EDNRA: variants seen among roughly 807,000 people sequenced by gnomAD.
The protein encoded by EDNRA is endothelin receptor type A.
Under a neutral mutation model 41.4 loss-of-function variants are expected in EDNRA, and 11 were observed. The observed-to-expected ratio is 0.27, with a 90% CI of 0.17 to 0.44. The LOEUF is 0.44. EDNRA is among the 20% of genes least tolerant of loss of function. The pLI is 1.00. For synonymous variants in EDNRA, 172 were observed against 183.0 expected (o/e 0.94, Z 0.49); for missense variants, 294 against 531.0 (o/e 0.55, Z 4.39).
At chr4:147,539,975 A>T (rs1731043132) in intron 6 of EDNRA, 25 bp downstream of exon 6, 1 of 1,559,012 alleles carries the variant, frequency 6.4e-7, no homozygotes, top group Non-Finnish European at 8.6e-7. Flanking sequence ...ACTCGCTAGA[A>T]AATTGGAGTT....
intron 2 of EDNRA, chr4:147,506,205 G>C: frequency 1.9e-6 from 1 of 523,334 alleles, no homozygotes; most frequent in Admixed American, 2.0e-5. Flanking sequence ...TTTGAATGAA[G>C]ATCTTGCAAA....
chr4:147,524,562 A>G (rs1730466062), intron 3 of EDNRA, among the ~76,000 whole-genome samples: 2 of 152,232 alleles, frequency 1.3e-5, no homozygotes. Flanking sequence ...AGAAAAAATG[A>G]TGCCAAGAAT....
chr4:147,514,865 G>A (rs1730057788), intron 2 of EDNRA, among the ~76,000 whole-genome samples: 1 of 152,148 alleles, frequency 6.6e-6, no homozygotes, highest in African/African-American at 2.4e-5. Flanking sequence ...GCTGACCATG[G>A]CACCTCTAGA....
At chr4:147,523,947 G>C (rs1026114046) in intron 3 of EDNRA, among the ~76,000 whole-genome samples, 3 of 152,076 alleles carry the variant, frequency 2.0e-5, no homozygotes, top group Non-Finnish European at 4.4e-5. Flanking sequence ...TGGCCAAGAG[G>C]AGGAGTCCAT....
At chr4:147,500,444 G>A (rs966732824) in intron 2 of EDNRA, among the ~76,000 whole-genome samples, 4 of 152,182 alleles carry the variant, frequency 2.6e-5, no homozygotes, top group Admixed American at 2.0e-4. Flanking sequence ...GCAGTCAGGT[G>A]CGGTGATTCA....
At chr4:147,497,426 T>C (rs1479143191) in intron 2 of EDNRA, among the ~76,000 whole-genome samples, 1 of 152,154 alleles carries the variant, frequency 6.6e-6, no homozygotes, top group East Asian at 1.9e-4. Context: ...CCAGATCAAC[T>C]CACACATTGA....
intron 2 of EDNRA, among the ~76,000 whole-genome samples, chr4:147,498,536 T>G (rs1271829956): frequency 6.9e-6 from 1 of 145,752 alleles, no homozygotes; most frequent in African/African-American, 2.7e-5. Context: ...CCATACCTAT[T>G]GCTTACGTAT....
intron 2 of EDNRA, among the ~76,000 whole-genome samples, chr4:147,505,366 T>C (rs1729669150): frequency 8.1e-6 from 1 of 123,910 alleles, no homozygotes; most frequent in Admixed American, 9.5e-5. Context: ...GGAGGTGGAG[T>C]TGCGCTCTTG....
At position 147,532,649 on chromosome 4, in the gene EDNRA, A is replaced by G; in HGVS notation, c.692A>G (p.Tyr231Cys). The G allele has an allele frequency of 6.2e-7, 1 of 1,614,112 alleles. No homozygotes were observed. Among genetic ancestry groups the G allele is most frequent in the Non-Finnish European group, 8.5e-7 (1 of 1,180,020 alleles). ...GGCTTCGTCATGGTACCCTTTGAAT[A>G]TAGGGGTGAACAGCATAAAACCTGT... ...AIGFVMVPFE[Y>C]RGEQHKTCML... The change falls in exon 4 of 8, where the codon TAT becomes TGT. Residue 231 changes from tyrosine (Y) to cysteine (C), a missense_variant. Physicochemically the swap from Tyr to Cys is radical, Grantham distance 194. Transcript: ENST00000651419.
intron 2 of EDNRA, chr4:147,491,987 A>G (rs941260239): frequency 6.6e-6 from 1 of 152,172 alleles, no homozygotes; most frequent in Non-Finnish European, 1.5e-5. Context: ...AACCTGGTCT[A>G]TCTATCTGAG....
At chr4:147,542,415 G>A (rs2126491190) in intron 7 of EDNRA, 63 bp from the exon 8 acceptor site, 3 of 1,605,936 alleles carry the variant, frequency 1.9e-6, no homozygotes, top group Non-Finnish European at 2.6e-6. Flanking sequence ...GCCCAGGGCC[G>A]CTGTGTTTGG....
In EDNRA at chr4:147,481,331, G is replaced by C. The variant is rs1051989659; in HGVS notation, c.-116G>C. 2 of 152,536 alleles carry C rather than the reference G, an allele frequency of 1.3e-5. No individual in the cohort carries two copies. The highest frequency in any genetic ancestry group is 4.8e-5 in the African/African-American group (2 of 41,462). The allele number at this position is 152,536 out of a possible 1,614,324, so 9.4% of individuals were successfully genotyped here. A position where few individuals can be genotyped will look rare whatever the true frequency, so the allele number is the denominator to read the frequency against. On this transcript the variant is annotated 5_prime_UTR_variant, in exon 1 of 8. Coordinates refer to ENST00000651419, the MANE Select transcript of EDNRA (RefSeq NM_001957.4). The stretch of plus-strand genomic sequence containing the variant: ...GCCGGCTCCGGCTTCCTCTGGCCCA[G>C]GCGCCGCGCGGACCCGGCAGCTGTC...
At chr4:147,542,430 G>A in intron 7 of EDNRA, 48 bp from the exon 8 acceptor site, 1 of 1,611,982 alleles carries the variant, frequency 6.2e-7, no homozygotes, top group Non-Finnish European at 8.5e-7. Context: ...GTTTGGCCGG[G>A]AATGGGCTGG....
chr4:147,512,833 G>C (rs1351904202), intron 2 of EDNRA, among the ~76,000 whole-genome samples: 1 of 152,074 alleles, frequency 6.6e-6, no homozygotes, highest in Non-Finnish European at 1.5e-5. Context: ...CTTCTGGTGG[G>C]GTCTTTTGTT....
chr4:147,532,288 T>G lies in EDNRA; in HGVS notation c.549-218T>G, dbSNP rs1489543758. Among the ~76,000 whole-genome samples, 6 of 134,496 alleles carry G rather than the reference T, an allele frequency of 4.5e-5. No homozygotes were observed. The East Asian group carries it at 1.3e-3, about 29-fold the overall frequency. The allele number at this position is 134,496 out of a possible 152,430, so 88.2% of individuals were successfully genotyped here. A position where few individuals can be genotyped will look rare whatever the true frequency, so the allele number is the denominator to read the frequency against. ...TTGCAGTGAGCCGAGATGGTGCCACTGCACTCCAGTCTGAGCAACAGAGCG... is the reference window on the plus strand; with the variant it reads ...TTGCAGTGAGCCGAGATGGTGCCACGGCACTCCAGTCTGAGCAACAGAGCG... On this transcript the variant is annotated intron_variant, in intron 3 of 7. Transcript: ENST00000651419.
Position 147,485,968 on chromosome 4 carries a change from T to G in EDNRA, c.287T>G (p.Val96Gly). The G allele has an allele frequency of 6.2e-7, 1 of 1,614,202 alleles. No homozygotes were observed. The highest frequency in any genetic ancestry group is 1.3e-5 in the African/African-American group (1 of 75,042). ...ISCTIFIVGM[V>G]GNATLLRIIY... ...TGTACTATTTTCATCGTGGGAATGG[T>G]GGGGAATGCAACTCTGCTCAGGATC... is the stretch of plus-strand genomic sequence containing the variant. The change falls in exon 2 of 8, where the codon GTG becomes GGG. Residue 96 changes from valine to glycine, a missense_variant. Val to Gly is a moderately radical substitution (Grantham distance 109). This residue lies in a region of EDNRA where 90 missense variants were observed against 122.8 expected (regional missense o/e 0.73). Coordinates refer to ENST00000651419, the MANE Select transcript of EDNRA (RefSeq NM_001957.4).
intron 4 of EDNRA, among the ~76,000 whole-genome samples, chr4:147,535,042 T>G (rs1730873189): frequency 6.6e-6 from 1 of 152,216 alleles, no homozygotes; most frequent in Non-Finnish European, 1.5e-5. Context: ...TTGTCCTTAG[T>G]AAATTAACAA....
chr4:147,504,976 A>AAAAAAAAAAAAG (rs1360457648), intron 2 of EDNRA, among the ~76,000 whole-genome samples: 2 of 149,142 alleles, frequency 1.3e-5, no homozygotes, highest in Admixed American at 6.7e-5. Context: ...AAAAAAAAAA[A>AAAAAAAAAAAAG]AGGATTCATA....
intron 2 of EDNRA, chr4:147,493,987 G>A (rs1729223603): frequency 6.6e-6 from 1 of 152,142 alleles, no homozygotes; most frequent in Non-Finnish European, 1.5e-5. Context: ...ACACCTCTAA[G>A]AGTTTTATTG....
Sources: allele counts gnomAD v4.1 joint callset (sites outside exome capture counted in the v4.1 genomes callset), GRCh38; gene constraint gnomAD v4.1.1; regional missense constraint gnomAD v4.1.1; transcripts MANE v1.5; gene names NCBI Gene and HGNC (gene_info 2026-07-23, HGNC 2026-07-21).